The following UGCG variants were observed in gnomAD, a reference collection of about 807,000 sequenced individuals.
UGCG encodes ceramide glucosyltransferase.
Under a neutral mutation model 49.5 loss-of-function variants are expected in UGCG, and 10 were observed. That is an observed-to-expected ratio of 0.20 (90% CI 0.12 to 0.34). The LOEUF is 0.34. Among genes scored for constraint, UGCG ranks in the 10% least tolerant of loss-of-function variants. The pLI, the probability that UGCG is intolerant of heterozygous loss-of-function variation, is 1.00. For synonymous variants in UGCG, 182 were observed against 158.2 expected (o/e 1.15, Z -1.13); for missense variants, 312 against 483.7 (o/e 0.65, Z 3.33).
intron 2 of UGCG, among the ~76,000 whole-genome samples, chr9:111,919,035 A>G (rs1164542718): frequency 2.0e-5 from 3 of 152,112 alleles, no homozygotes; most frequent in Non-Finnish European, 2.9e-5. Context: ...TAACACTAGT[A>G]TAGCATTTTT....
intron 4 of UGCG, among the ~76,000 whole-genome samples, chr9:111,925,127 G>A (rs1838293804): frequency 6.6e-6 from 1 of 151,992 alleles, no homozygotes; most frequent in South Asian, 2.1e-4. Flanking sequence ...ATTAAAAATG[G>A]TTGTGGTTCA....
intron 1 of UGCG, among the ~76,000 whole-genome samples, chr9:111,909,990 T>C (rs1837965768): frequency 6.6e-6 from 1 of 152,200 alleles, no homozygotes; most frequent in Admixed American, 6.5e-5. Flanking sequence ...ATTTCAGATA[T>C]AGTACTTAAC....
chr9:111,924,741 C>A, intron 3 of UGCG, 36 bp from the exon 4 acceptor site: 1 of 1,130,702 alleles, frequency 8.8e-7, no homozygotes, highest in Non-Finnish European at 1.2e-6. Flanking sequence ...TTTAATGTTG[C>A]ATAAATCTTT....
rs763725398 is a variant in UGCG, at chr9:111,926,471, A to G, written c.533A>G (p.Gln178Arg). 3.7e-6 allele frequency: 6 copies of G among 1,610,290 alleles called. No individual in the cohort carries two copies. The highest frequency in any genetic ancestry group is 5.1e-6 in the Non-Finnish European group (6 of 1,177,480). Residue 178 changes from glutamine (Q) to arginine (R), a missense_variant, in exon 5 of 9, where the codon CAG becomes CGG. By Grantham distance (43) the Gln-to-Arg change is conservative. Around this residue, in one of 4 missense-constraint regions of UGCG, gnomAD observed 180 missense variants for 320.4 expected, o/e 0.56. Transcript: ENST00000374279. ...GGGCTGCCTTACGTAGCAGACAGAC[A>G]GGGCTTTGCTGCCACCTTAGAGCAG... ...VHGLPYVADR[Q>R]GFAATLEQVY...
At chr9:111,917,204 A>G (rs2118549505) in intron 2 of UGCG, among the ~76,000 whole-genome samples, 1 of 152,338 alleles carries the variant, frequency 6.6e-6, no homozygotes, top group South Asian at 2.1e-4. Context: ...TTATTTTCTA[A>G]TTATAAACTT....
At chr9:111,909,609 A>T (rs1037669050) in intron 1 of UGCG, among the ~76,000 whole-genome samples, 1 of 152,236 alleles carries the variant, frequency 6.6e-6, no homozygotes, top group Non-Finnish European at 1.5e-5. Flanking sequence ...ATTCCAGTGC[A>T]TATGATAATG....
At position 111,932,191 on chromosome 9, in the gene UGCG, C is replaced by T. The variant is rs769478981; in HGVS notation, c.846C>T (p.Asn282=). ...RMIRWTKLRI[N]MLPATIICEP... is the part of the protein sequence containing the mutation. ...CCAGGTGGACCAAACTACGAATTAA[C>T]ATGCTTCCTGCTACAATAATTTGTG... Residue 282 remains asparagine, a synonymous_variant, in exon 8 of 9, where the codon AAC becomes AAT. Transcript: ENST00000374279. 4 of 1,613,796 alleles carry T rather than the reference C, an allele frequency of 2.5e-6. No individual in the cohort carries two copies. The highest frequency in any genetic ancestry group is 3.4e-6 in the Non-Finnish European group (4 of 1,179,950).
At chr9:111,912,904 T>C (rs902787501) in intron 1 of UGCG, among the ~76,000 whole-genome samples, 10 of 152,106 alleles carry the variant, frequency 6.6e-5, no homozygotes, top group South Asian at 4.1e-4. Flanking sequence ...TGTGTGTGTG[T>C]GCGTGTGTGC....
At chr9:111,917,461 G>C (rs1838131495) in intron 2 of UGCG, among the ~76,000 whole-genome samples, 1 of 152,200 alleles carries the variant, frequency 6.6e-6, no homozygotes, top group African/African-American at 2.4e-5. Context: ...TGACTGCCAG[G>C]CGCAGTGCCC....
chr9:111,913,445 T>A (rs1446012789), intron 1 of UGCG, among the ~76,000 whole-genome samples: 1 of 152,088 alleles, frequency 6.6e-6, no homozygotes, highest in Non-Finnish European at 1.5e-5. Context: ...GCTTCTTTCT[T>A]TTTTTTGAGA....
Position 111,932,976 on chromosome 9 carries a change from A to G in UGCG, c.1164A>G (p.Ala388=). 1.2e-5 allele frequency: 19 copies of G among 1,595,278 alleles called. No homozygotes were observed. Among genetic ancestry groups the G allele is most frequent in the Non-Finnish European group, 1.6e-5 (19 of 1,170,386 alleles). Residue 388 remains alanine, a synonymous_variant, in exon 9 of 9, where the codon GCA becomes GCG. Transcript: ENST00000374279. ...GRYRLRCGGT[A]EEILDV Reference sequence around the variant, plus strand: ...ACAGATTACGCTGTGGGGGTACAGCAGAGGAAATCCTAGATGTATAACTAC... The same window carrying G: ...ACAGATTACGCTGTGGGGGTACAGCGGAGGAAATCCTAGATGTATAACTAC...
At chr9:111,911,136 G>T (rs967391866) in intron 1 of UGCG, among the ~76,000 whole-genome samples, 2 of 152,104 alleles carry the variant, frequency 1.3e-5, no homozygotes, top group African/African-American at 4.8e-5. Flanking sequence ...GGATTTTTCT[G>T]CTTGCCTTTC....
intron 1 of UGCG, among the ~76,000 whole-genome samples, chr9:111,903,784 C>A (rs554119115): frequency 6.6e-6 from 1 of 151,952 alleles, no homozygotes; most frequent in South Asian, 2.1e-4. Flanking sequence ...TTTGTAGAGA[C>A]GGGGTTCCGC....
chr9:111,917,426 A>G (rs1589523573), intron 2 of UGCG, among the ~76,000 whole-genome samples: 1 of 152,194 alleles, frequency 6.6e-6, no homozygotes, highest in Non-Finnish European at 1.5e-5. Flanking sequence ...CAAGAAGTCA[A>G]GGAGACCCAA....
At chr9:111,927,652 C>T (rs1038897443) in intron 5 of UGCG, among the ~76,000 whole-genome samples, 9 of 152,108 alleles carry the variant, frequency 5.9e-5, no homozygotes, top group Admixed American at 3.9e-4. Flanking sequence ...AGGTTTTCAC[C>T]GTGTTAGCCA....
intron 7 of UGCG, among the ~76,000 whole-genome samples, chr9:111,931,886 G>A (rs559022393): frequency 5.3e-5 from 8 of 152,068 alleles, no homozygotes; most frequent in Non-Finnish European, 8.8e-5. Flanking sequence ...AATTAGCCAG[G>A]TGTGGTGGCG....
chr9:111,912,855 T>C (rs889961157), intron 1 of UGCG, among the ~76,000 whole-genome samples: 3 of 152,178 alleles, frequency 2.0e-5, no homozygotes, highest in Admixed American at 1.3e-4. Context: ...TTTAAATTTC[T>C]TGTTGGTTTT....
chr9:111,912,646 A>T (rs1470835410), intron 1 of UGCG, among the ~76,000 whole-genome samples: 1 of 152,174 alleles, frequency 6.6e-6, no homozygotes, highest in Non-Finnish European at 1.5e-5. Context: ...AATAAAAATA[A>T]ATTGCTGATC....
intron 1 of UGCG, among the ~76,000 whole-genome samples, chr9:111,908,430 G>C (rs1031560802): frequency 6.6e-6 from 1 of 152,228 alleles, no homozygotes; most frequent in Admixed American, 6.5e-5. Flanking sequence ...AGCATAGTAC[G>C]TGGAAGGAGA....
Sources: gnomAD v4.1 joint callset for allele counts (sites outside exome capture counted in the v4.1 genomes callset) on GRCh38, gnomAD v4.1.1 for gene constraint, gnomAD v4.1.1 regional missense constraint, MANE v1.5 for transcripts, NCBI Gene and HGNC (gene_info 2026-07-23, HGNC 2026-07-21) for gene names.